LARP1B: variants seen among roughly 807,000 people sequenced by gnomAD.
LARP1B encodes La ribonucleoprotein 1B, also known as la-related protein 1B.
Under a neutral mutation model 114.2 loss-of-function variants are expected in LARP1B, and 76 were observed. The ratio of observed to expected loss-of-function variants is 0.67; its 90% CI spans 0.55 to 0.81. The LOEUF (loss-of-function observed/expected upper bound fraction) is 0.81, where lower values mean the gene tolerates loss of function less well. LARP1B is among the 30% of genes least tolerant of loss of function. The pLI is 0.00. For synonymous variants in LARP1B, 345 were observed against 348.0 expected (o/e 0.99, Z 0.10); for missense variants, 1,014 against 1,075.8 (o/e 0.94, Z 0.80).
chr4:128,213,978 T>C (rs1339561273), downstream of LARP1B, among the ~76,000 whole-genome samples: 3 of 151,540 alleles, frequency 2.0e-5, no homozygotes, highest in Admixed American at 2.0e-4. Context: ...GGGCGAGGCA[T>C]TGCCTCACCT....
At chr4:128,080,722 A>G (rs1355250917) in intron 4 of LARP1B, among the ~76,000 whole-genome samples, 1 of 152,226 alleles carries the variant, frequency 6.6e-6, no homozygotes, top group Non-Finnish European at 1.5e-5. Flanking sequence ...ATAATTAGTT[A>G]CATTGTCATT....
intron 10 of LARP1B, among the ~76,000 whole-genome samples, chr4:128,121,387 G>A (rs186916240): frequency 3.9e-5 from 6 of 152,132 alleles, no homozygotes; most frequent in African/African-American, 1.2e-4. Context: ...GCGCGATCTT[G>A]GCTCACTGCA....
At chr4:128,085,937 G>A (rs1020520597) in intron 5 of LARP1B, among the ~76,000 whole-genome samples, 1 of 150,502 alleles carries the variant, frequency 6.6e-6, no homozygotes, top group African/African-American at 2.4e-5. Flanking sequence ...TTTTCTTTTT[G>A]CTATGTGTTA....
At chr4:128,167,706 G>A (rs1741753108) in intron 12 of LARP1B, among the ~76,000 whole-genome samples, 1 of 151,994 alleles carries the variant, frequency 6.6e-6, no homozygotes, top group Non-Finnish European at 1.5e-5. Context: ...TTTGACAGAT[G>A]AATGCAATCA....
intron 1 of LARP1B, among the ~76,000 whole-genome samples, chr4:128,069,922 AC>A (rs1440140463): frequency 6.6e-6 from 1 of 152,146 alleles, no homozygotes; most frequent in Admixed American, 6.6e-5. Context: ...AAGTAAGCTT[AC>A]TGTTGTTACC....
intron 15 of LARP1B, among the ~76,000 whole-genome samples, chr4:128,197,402 C>T (rs1490059197): frequency 6.6e-6 from 1 of 152,132 alleles, no homozygotes; most frequent in Non-Finnish European, 1.5e-5. Flanking sequence ...ATTAAAAACT[C>T]ATTTTTTTAT....
intron 7 of LARP1B, among the ~76,000 whole-genome samples, chr4:128,095,489 CAAAAA>C (rs11311661): frequency 1.1e-4 from 7 of 61,296 alleles, no homozygotes; most frequent in African/African-American, 2.4e-4. Context: ...AACTCCATCT[CAAAAA>C]AAAAAAAAAA....
At chr4:128,132,903 A>G (rs1244307681) in intron 11 of LARP1B, among the ~76,000 whole-genome samples, 2 of 152,028 alleles carry the variant, frequency 1.3e-5, no homozygotes, top group Non-Finnish European at 2.9e-5. Flanking sequence ...TTCTGCAACT[A>G]GATGGTCCCA....
intron 13 of LARP1B, among the ~76,000 whole-genome samples, chr4:128,177,205 C>G (rs983079607): frequency 6.6e-6 from 1 of 151,986 alleles, no homozygotes; most frequent in African/African-American, 2.4e-5. Flanking sequence ...CTAATTTGCT[C>G]CTCAGAATAA....
chr4:128,161,635 A>G (rs1378747064), intron 11 of LARP1B, among the ~76,000 whole-genome samples: 2 of 152,056 alleles, frequency 1.3e-5, no homozygotes, highest in East Asian at 1.9e-4. Context: ...TAATAAACAC[A>G]TTGCTTTTTC....
downstream of LARP1B, among the ~76,000 whole-genome samples, chr4:128,212,979 C>T (rs966101951): frequency 6.9e-5 from 9 of 129,734 alleles, no homozygotes; most frequent in South Asian, 5.1e-4. Flanking sequence ...AGTGCAATGA[C>T]GCGATCTCGT....
rs558419001 is a variant in LARP1B at position 128,108,529 on chromosome 4, G to A, written c.988+1216G>A. ...GAGGACGTCCCATCAACAAAGCATC[G>A]ATGATGGACAGTCTCACACTATTTT... On this transcript the variant is annotated intron_variant, in intron 9 of 19. Coordinates refer to ENST00000326639, the MANE Select transcript of LARP1B (RefSeq NM_018078.4). 38 of 985,652 alleles carry A rather than the reference G, an allele frequency of 3.9e-5. No individual in the cohort carries two copies. The South Asian group carries it at 5.2e-4, about 13-fold the overall frequency. The allele number at this position is 985,652 out of a possible 1,614,324, so 61.1% of individuals were successfully genotyped here.
chr4:128,107,340 G>A (rs1192236738), intron 9 of LARP1B, 27 bp downstream of exon 9: 7 of 1,611,920 alleles, frequency 4.3e-6, no homozygotes, highest in East Asian at 2.2e-5. Flanking sequence ...TAGAGCAAAC[G>A]ATGTAACAGT....
chr4:128,182,581 G>A (rs571080833), intron 15 of LARP1B, among the ~76,000 whole-genome samples: 1 of 152,112 alleles, frequency 6.6e-6, no homozygotes, highest in African/African-American at 2.4e-5. Flanking sequence ...CCCTCTTCTT[G>A]GGCATCCCTG....
intron 9 of LARP1B, chr4:128,108,219 A>G (rs1782757613): frequency 8.5e-7 from 1 of 1,175,268 alleles, no homozygotes; most frequent in Non-Finnish European, 1.1e-6. Flanking sequence ...TTATTCTGGA[A>G]ATACCGCAAG....
intron 11 of LARP1B, among the ~76,000 whole-genome samples, chr4:128,160,634 C>G (rs1288912882): frequency 6.6e-6 from 1 of 152,100 alleles, no homozygotes; most frequent in Non-Finnish European, 1.5e-5. Flanking sequence ...TTATTTATCT[C>G]TGGCATGTAG....
intron 6 of LARP1B, among the ~76,000 whole-genome samples, chr4:128,220,169 G>A (rs1759901076): frequency 6.6e-6 from 1 of 152,206 alleles, no homozygotes; most frequent in Non-Finnish European, 1.5e-5. Context: ...ACAGGTGTGA[G>A]CCACTGCTCC....
chr4:128,130,812 G>A (rs965193546), intron 11 of LARP1B, among the ~76,000 whole-genome samples: 1 of 152,232 alleles, frequency 6.6e-6, no homozygotes, highest in African/African-American at 2.4e-5. Context: ...TAAACAAGCT[G>A]TGGTACATTC....
At chr4:128,209,168 C>G (rs1051479011) in intron 19 of LARP1B, among the ~76,000 whole-genome samples, 3 of 152,184 alleles carry the variant, frequency 2.0e-5, no homozygotes, top group African/African-American at 7.2e-5. Flanking sequence ...CCTGTAATCT[C>G]AGCACTTTGG....
Sources: gnomAD v4.1 joint callset for allele counts (sites outside exome capture counted in the v4.1 genomes callset) on GRCh38, gnomAD v4.1.1 for gene constraint, MANE v1.5 for transcripts, NCBI Gene and HGNC (gene_info 2026-07-23, HGNC 2026-07-21) for gene names.